The following DBF4B variants were observed in gnomAD, a reference collection of about 807,000 sequenced individuals.
The protein encoded by DBF4B is DBF4B-CDC7 kinase regulatory subunit.
In DBF4B, 49 loss-of-function variants were observed where a neutral mutation model predicts 53.4. That is an observed-to-expected ratio of 0.92 (90% confidence interval 0.73 to 1.16). The LOEUF is 1.16. DBF4B is among the 50% of genes most tolerant of loss of function. DBF4B has a pLI of 0.00. For missense variants in DBF4B, 692 were observed against 775.0 expected, an observed-to-expected ratio of 0.89 and a Z score of 1.27; for synonymous variants, 257 against 288.7, an observed-to-expected ratio of 0.89 and a Z score of 1.11.
intron 2 of DBF4B, among the ~76,000 whole-genome samples, chr17:44,720,822 T>G (rs1329346639): frequency 1.3e-5 from 2 of 152,070 alleles, no homozygotes; most frequent in Admixed American, 1.3e-4. Flanking sequence ...TATATGAGGG[T>G]TCCAGTTTCT....
At chr17:44,714,051 G>C (rs765183819) in intron 2 of DBF4B, among the ~76,000 whole-genome samples, 1 of 152,114 alleles carries the variant, frequency 6.6e-6, no homozygotes, top group Non-Finnish European at 1.5e-5. Context: ...GGCCATTACT[G>C]TAAGTGAAGT....
At chr17:44,744,968 C>A (rs1567673419) in intron 10 of DBF4B, among the ~76,000 whole-genome samples, 1 of 152,000 alleles carries the variant, frequency 6.6e-6, no homozygotes, top group African/African-American at 2.4e-5. Context: ...AAAATGAGCT[C>A]TTTGTTATTA....
intron 9 of DBF4B, 33 bp downstream of exon 9, chr17:44,738,457 G>A (rs1318302499): frequency 6.2e-7 from 1 of 1,610,344 alleles, no homozygotes; most frequent in South Asian, 1.1e-5. Context: ...GCTTGCCCCA[G>A]CTAGGCCTGC....
intron 7 of DBF4B, 22 bp from the exon 8 acceptor site, chr17:44,736,808 C>T: frequency 6.2e-7 from 1 of 1,614,022 alleles, no homozygotes; most frequent in Non-Finnish European, 8.5e-7. Context: ...ACATCCTTAA[C>T]CTATTTTTCC....
chr17:44,717,329 T>C (rs1346725218), intron 2 of DBF4B, among the ~76,000 whole-genome samples: 2 of 152,122 alleles, frequency 1.3e-5, no homozygotes, highest in African/African-American at 2.4e-5. Flanking sequence ...TTCACAGTTA[T>C]AAAAAAATTT....
In DBF4B at chr17:44,708,937, G is replaced by A. The variant is rs1598744672; in HGVS notation, c.19+98G>A. The A allele has an allele frequency of 7.3e-6, 11 of 1,497,182 alleles. No individual in the cohort carries two copies. In the East Asian group the frequency reaches 2.7e-4, roughly 37 times the overall value. The allele number at this position is 1,497,182 out of a possible 1,614,324, so 92.7% of individuals were successfully genotyped here. A position where few individuals can be genotyped will look rare whatever the true frequency, so the allele number is the denominator to read the frequency against. ...GGAGGGGGCTTAGGAAGTGACCAGC[G>A]GGTAGGTGCCGAAGCTGAGGAGGGT... On this transcript the variant is annotated intron_variant, in intron 1 of 13. Coordinates refer to ENST00000315005, the MANE Select transcript of DBF4B (RefSeq NM_145663.3).
intron 2 of DBF4B, among the ~76,000 whole-genome samples, chr17:44,711,201 G>A (rs1972836023): frequency 6.6e-6 from 1 of 151,940 alleles, no homozygotes; most frequent in African/African-American, 2.4e-5. Context: ...GGTCAGGCTA[G>A]TCTTGAACTC....
rs1355202917 is a variant in DBF4B, at chr17:44,749,259, G to C, written c.1189+794G>C. The C allele has an allele frequency of 2.3e-6, 3 of 1,290,442 alleles. No individual in the cohort carries two copies. The African/African-American group carries it at 4.6e-5, about 20-fold the overall frequency. The allele number at this position is 1,290,442 out of a possible 1,614,324, so 79.9% of individuals were successfully genotyped here. ...CCTGTCTCCCTGTCTCCCAGCCCTG[G>C]TCCCAACCCCAGCCCCAGCCCCAGC... On this transcript the variant is annotated intron_variant, in intron 13 of 13. Coordinates refer to ENST00000315005, the MANE Select transcript of DBF4B (RefSeq NM_145663.3). This position sits in a 1 kb window ranked among gnomAD's most constrained non-coding sequence, Gnocchi z 4.4.
intron 10 of DBF4B, among the ~76,000 whole-genome samples, chr17:44,744,819 A>G (rs538556791): frequency 1.3e-5 from 2 of 152,268 alleles, no homozygotes; most frequent in East Asian, 1.9e-4. Context: ...TTTTCTTACT[A>G]TGAATGAGGC....
At chr17:44,713,714 GT>G (rs71136040) in intron 2 of DBF4B, among the ~76,000 whole-genome samples, 86,232 of 151,852 alleles carry the variant, frequency 0.57, 26,019 homozygotes, top group African/African-American at 0.77. Flanking sequence ...GATTTTCTTT[GT>G]TTTTTTATGT....
intron 2 of DBF4B, chr17:44,719,225 A>G (rs998410950): frequency 5.3e-5 from 8 of 151,918 alleles, no homozygotes; most frequent in Admixed American, 2.6e-4. Flanking sequence ...TCGGCCTCCC[A>G]AAGTGCTAGG....
At chr17:44,742,736 GAGA>G (rs1277487908) in intron 10 of DBF4B, among the ~76,000 whole-genome samples, 1 of 152,186 alleles carries the variant, frequency 6.6e-6, no homozygotes, top group Non-Finnish European at 1.5e-5. Context: ...CGGGGCGGGG[GAGA>G]AGATCGCTGC....
At chr17:44,728,844 C>T (rs112475732) in intron 3 of DBF4B, among the ~76,000 whole-genome samples, 24,178 of 151,620 alleles carry the variant, frequency 0.16, 1,954 homozygotes, top group Middle Eastern at 0.22. Context: ...CACCTGTAAT[C>T]CCAACACTTT....
At chr17:44,736,168 AAG>A (rs941086195) in intron 7 of DBF4B, among the ~76,000 whole-genome samples, 3 of 149,730 alleles carry the variant, frequency 2.0e-5, no homozygotes, top group Non-Finnish European at 4.4e-5. Flanking sequence ...TTTTTTTTTA[AAG>A]ATAGGGTCTT....
At position 44,736,222 on chromosome 17, in the gene DBF4B, A is replaced by G. The variant is rs191843929; in HGVS notation, c.631-608A>G. On this transcript the variant is annotated intron_variant, in intron 7 of 13. Coordinates refer to ENST00000315005, the MANE Select transcript of DBF4B (RefSeq NM_145663.3). Reference sequence around the variant, plus strand: ...TGGTCTCAAACTTGTGAGCTCAAGCAATCCACCTGCCTCGGCCTACCAAAA... The same window carrying G: ...TGGTCTCAAACTTGTGAGCTCAAGCGATCCACCTGCCTCGGCCTACCAAAA... Among the ~76,000 whole-genome samples, 188 of 151,784 alleles carry G rather than the reference A, an allele frequency of 1.2e-3. 1 individual carries two copies. The highest frequency in any genetic ancestry group is 4.1e-3 in the African/African-American group (169 of 41,360).
chr17:44,752,186 A>T lies in DBF4B; in HGVS notation c.*933A>T, dbSNP rs2049289370. 5.2e-6 allele frequency: 3 copies of T among 581,582 alleles called. No homozygotes were observed. Among genetic ancestry groups the T allele is most frequent in the Non-Finnish European group, 9.2e-6 (3 of 325,916 alleles). 36.0% of individuals were successfully genotyped at this position (581,582 alleles called of 1,614,324 possible). On this transcript the variant is annotated 3_prime_UTR_variant, in exon 14 of 14. Coordinates refer to ENST00000315005, the MANE Select transcript of DBF4B (RefSeq NM_145663.3). The stretch of plus-strand genomic sequence containing the variant: ...AAAATGCCTTTATTACTCGGGCCTC[A>T]GTTTCCTCGTCTTTAAGTAAGGGGC...
chr17:44,746,144 A>C (rs957701861), intron 10 of DBF4B, among the ~76,000 whole-genome samples: 2 of 151,514 alleles, frequency 1.3e-5, no homozygotes, highest in African/African-American at 4.9e-5. Context: ...AGACAAGAGA[A>C]TCACTTGAAC....
intron 5 of DBF4B, 27 bp downstream of exon 5, chr17:44,731,042 C>T (rs777661244): frequency 1.9e-6 from 3 of 1,613,586 alleles, no homozygotes; most frequent in African/African-American, 2.7e-5. Flanking sequence ...TGGGACAGAG[C>T]CGGTGGTCTC....
At chr17:44,745,435 G>A (rs1567673735) in intron 10 of DBF4B, among the ~76,000 whole-genome samples, 1 of 152,170 alleles carries the variant, frequency 6.6e-6, no homozygotes, top group African/African-American at 2.4e-5. Flanking sequence ...TCACAGTTCA[G>A]CATGGCTGGG....
Sources: gnomAD v4.1 joint callset for allele counts (sites outside exome capture counted in the v4.1 genomes callset) on GRCh38, gnomAD v4.1.1 for gene constraint, Gnocchi (gnomAD v3.1) non-coding constraint, MANE v1.5 for transcripts, NCBI Gene and HGNC (gene_info 2026-07-23, HGNC 2026-07-21) for gene names.